Variants in SOS1 observed in about 807,000 individuals in gnomAD.
SOS1 encodes son of sevenless homolog 1.
A neutral mutation model predicts 157.6 loss-of-function variants in SOS1; 25 were observed. That is an observed-to-expected ratio of 0.16 (90% CI 0.12 to 0.22). The LOEUF (loss-of-function observed/expected upper bound fraction) is 0.22. Among genes scored for constraint, SOS1 ranks in the 10% least tolerant of loss-of-function variants. SOS1 has a pLI of 1.00. For synonymous variants in SOS1, 528 were observed against 534.0 expected, an observed-to-expected ratio of 0.99 and a Z score of 0.16; for missense variants, 1,237 against 1,599.1, an observed-to-expected ratio of 0.77 and a Z score of 3.86.
intron 1 of SOS1, among the ~76,000 whole-genome samples, chr2:39,070,970 C>A (rs2148147405): frequency 6.6e-6 from 1 of 152,308 alleles, no homozygotes; most frequent in South Asian, 2.1e-4. Context: ...TCAAGCAATT[C>A]TCCTGCCTCA....
At chr2:39,034,809 C>T (rs1342617498) in intron 8 of SOS1, 1 of 457,502 alleles carries the variant, frequency 2.2e-6, no homozygotes, top group East Asian at 6.9e-5. Flanking sequence ...ACACTGGCTC[C>T]CTTATCCTCA....
intron 6 of SOS1, among the ~76,000 whole-genome samples, chr2:39,048,969 C>T (rs149786317): frequency 2.0e-5 from 3 of 152,154 alleles, no homozygotes; most frequent in Non-Finnish European, 2.9e-5. Context: ...TGTCACTGGA[C>T]GGCAGTGGTG....
Position 39,011,347 on chromosome 2 carries a change from A to G in SOS1, c.2391-644T>C, listed in dbSNP as rs183225385. On this transcript the variant is annotated intron_variant, in intron 14 of 22. Transcript: ENST00000402219. ...AACATTATTAATAAATTAGGGTGAC[A>G]AAGTAGACATTTAAGTAATGATATC... 3.7e-3 allele frequency among the ~76,000 whole-genome samples: 569 copies of G among 152,360 alleles called. 5 individuals carry two copies. The highest frequency in any genetic ancestry group is 0.013 in the African/African-American group (539 of 41,582).
intron 1 of SOS1, among the ~76,000 whole-genome samples, chr2:39,116,279 G>A (rs1673647119): frequency 6.6e-6 from 1 of 152,112 alleles, no homozygotes; most frequent in Admixed American, 6.5e-5. Flanking sequence ...CCTGACTAAA[G>A]ACAATCAAGT....
chr2:39,024,553 A>G (rs1004956390), intron 8 of SOS1, among the ~76,000 whole-genome samples: 6 of 151,868 alleles, frequency 4.0e-5, no homozygotes, highest in African/African-American at 9.7e-5. Flanking sequence ...TATAATATTG[A>G]GATGATAAGG....
chr2:39,123,001 G>A (rs377394422), upstream of SOS1, among the ~76,000 whole-genome samples: 1 of 152,116 alleles, frequency 6.6e-6, no homozygotes, highest in Admixed American at 6.5e-5. Context: ...CCACAAAGGC[G>A]TGCATCTGGC....
At chr2:39,121,337 T>G (rs1673888326), upstream of SOS1, among the ~76,000 whole-genome samples, 1 of 152,084 alleles carries the variant, frequency 6.6e-6, no homozygotes, top group South Asian at 2.1e-4. Context: ...GCCCTTCGTT[T>G]CGGAAAGGGG....
chr2:39,007,254 A>C, intron 15 of SOS1, 61 bp from the exon 16 acceptor site: 2 of 1,071,026 alleles, frequency 1.9e-6, no homozygotes, highest in Non-Finnish European at 2.9e-6. Flanking sequence ...GTTATAGCTT[A>C]AAGAATTTAG....
chr2:39,018,210 C>A (rs1372805390), intron 10 of SOS1, among the ~76,000 whole-genome samples: 1 of 151,838 alleles, frequency 6.6e-6, no homozygotes, highest in Non-Finnish European at 1.5e-5. Context: ...TTATATTCTC[C>A]TTTCTGTTTA....
intron 1 of SOS1, among the ~76,000 whole-genome samples, chr2:39,112,492 G>A (rs1017173441): frequency 6.6e-6 from 1 of 151,894 alleles, no homozygotes; most frequent in Non-Finnish European, 1.5e-5. Context: ...TGGTAGAGAC[G>A]GTGTTTCACC....
intron 1 of SOS1, among the ~76,000 whole-genome samples, chr2:39,090,771 T>C (rs1672564045): frequency 6.6e-6 from 1 of 152,222 alleles, no homozygotes; most frequent in South Asian, 2.1e-4. Context: ...AGTTTATGTA[T>C]ATCAGTGCTT....
intron 1 of SOS1, among the ~76,000 whole-genome samples, chr2:39,092,000 C>T (rs528654187): frequency 4.6e-5 from 7 of 152,282 alleles, no homozygotes; most frequent in Non-Finnish European, 8.8e-5. Flanking sequence ...TTCATTATTA[C>T]GCCCACAAAA....
rs191615571 is a variant in SOS1, at chr2:39,050,414, T to C, written c.864+730A>G. Among the ~76,000 whole-genome samples the C allele has an allele frequency of 9.3e-4, 142 of 152,330 alleles. 1 individual carries two copies. The highest frequency in any genetic ancestry group is 3.4e-3 in the Middle Eastern group (1 of 294). On this transcript the variant is annotated intron_variant, in intron 6 of 22. Transcript: ENST00000402219. Reference sequence around the variant, plus strand: ...AAATAATAATGCACTTATCACATACTGAGTAAGCTTACTATGTGAAGGTAG... The same window carrying C: ...AAATAATAATGCACTTATCACATACCGAGTAAGCTTACTATGTGAAGGTAG...
At chr2:38,986,668 T>C (rs1234069598) in intron 22 of SOS1, among the ~76,000 whole-genome samples, 2 of 152,024 alleles carry the variant, frequency 1.3e-5, no homozygotes, top group Non-Finnish European at 2.9e-5. Flanking sequence ...GGTCTTGCTC[T>C]GTTGCCAAGG....
At chr2:39,106,564 C>A (rs1183588900) in intron 1 of SOS1, among the ~76,000 whole-genome samples, 2 of 140,240 alleles carry the variant, frequency 1.4e-5, no homozygotes, top group Admixed American at 7.2e-5. Flanking sequence ...GCACTCCAGC[C>A]TGGGCGACAG....
intron 1 of SOS1, among the ~76,000 whole-genome samples, chr2:39,093,685 G>C (rs1275764005): frequency 1.3e-5 from 2 of 152,182 alleles, no homozygotes; most frequent in African/African-American, 2.4e-5. Flanking sequence ...AGAGTCAGCA[G>C]AGCCAGCAGA....
intron 6 of SOS1, among the ~76,000 whole-genome samples, chr2:39,040,198 T>C (rs1473827879): frequency 6.6e-6 from 1 of 151,780 alleles, no homozygotes; most frequent in Non-Finnish European, 1.5e-5. Flanking sequence ...TTGTATTTTT[T>C]AGTAGAGATG....
intron 2 of SOS1, among the ~76,000 whole-genome samples, chr2:39,060,382 C>T (rs1671358286): frequency 6.6e-6 from 1 of 152,164 alleles, no homozygotes; most frequent in South Asian, 2.1e-4. Flanking sequence ...CAAACCTGTC[C>T]TTATTATATG....
chr2:39,081,359 A>C, intron 1 of SOS1, among the ~76,000 whole-genome samples: 1 of 151,854 alleles, frequency 6.6e-6, no homozygotes, highest in Non-Finnish European at 1.5e-5. Context: ...GTCTCTAATA[A>C]AAATACAAAA....
Sources: allele counts gnomAD v4.1 joint callset (sites outside exome capture counted in the v4.1 genomes callset), GRCh38; gene constraint gnomAD v4.1.1; transcripts MANE v1.5; gene names NCBI Gene and HGNC (gene_info 2026-07-23, HGNC 2026-07-21).